The following FHIT variants were observed in gnomAD, a reference collection of about 807,000 sequenced individuals.
FHIT encodes the protein fragile histidine triad diadenosine triphosphatase.
Under a neutral mutation model 17.9 loss-of-function variants are expected in FHIT, and 19 were observed. The ratio of observed to expected loss-of-function variants is 1.06; its 90% CI spans 0.74 to 1.56. The LOEUF (loss-of-function observed/expected upper bound fraction) is 1.56. Among genes scored for constraint, FHIT ranks in the 40% most tolerant of loss-of-function variants. FHIT has a pLI of 0.00. For missense variants in FHIT, 248 were observed against 189.2 expected (o/e 1.31, Z -1.82); for synonymous variants, 81 against 69.7 (o/e 1.16, Z -0.81).
intron 5 of FHIT, among the ~76,000 whole-genome samples, chr3:60,335,500 T>C (rs1054114084): frequency 6.6e-6 from 1 of 152,172 alleles, no homozygotes; most frequent in African/African-American, 2.4e-5. Flanking sequence ...ATTCAAACAC[T>C]ATGATTCAAA....
chr3:59,772,103 T>A (rs1702100077), intron 8 of FHIT, among the ~76,000 whole-genome samples: 1 of 152,228 alleles, frequency 6.6e-6, no homozygotes. Context: ...TATCTCCATG[T>A]TAGCACACCC....
intron 5 of FHIT, among the ~76,000 whole-genome samples, chr3:60,358,835 C>A (rs980331918): frequency 6.6e-6 from 1 of 152,162 alleles, no homozygotes; most frequent in Non-Finnish European, 1.5e-5. Context: ...CTTCTCCTTT[C>A]TGACTGTCTT....
intron 1 of FHIT, among the ~76,000 whole-genome samples, chr3:61,212,474 C>T (rs1003713221): frequency 3.9e-5 from 6 of 152,322 alleles, no homozygotes; most frequent in South Asian, 2.1e-4. Context: ...AAGAAACAAA[C>T]AAAGCCTCCA....
chr3:60,491,675 C>G (rs774102502), intron 5 of FHIT, among the ~76,000 whole-genome samples: 3 of 152,122 alleles, frequency 2.0e-5, no homozygotes, highest in African/African-American at 4.8e-5. Flanking sequence ...TGCTTTCGTT[C>G]TGTATGATAT....
intron 5 of FHIT, among the ~76,000 whole-genome samples, chr3:60,282,400 T>C (rs569787221): frequency 2.0e-5 from 3 of 152,088 alleles, no homozygotes; most frequent in African/African-American, 7.2e-5. Flanking sequence ...AAGGGAAAAC[T>C]ATAGAGGCAA....
intron 4 of FHIT, among the ~76,000 whole-genome samples, chr3:60,769,287 A>G (rs1178614147): frequency 6.6e-6 from 1 of 152,088 alleles, no homozygotes; most frequent in Non-Finnish European, 1.5e-5. Context: ...ACTAGTGATT[A>G]ATTATAGTGC....
At chr3:60,610,154 G>A (rs1202737175) in intron 4 of FHIT, among the ~76,000 whole-genome samples, 1 of 152,052 alleles carries the variant, frequency 6.6e-6, no homozygotes, top group Non-Finnish European at 1.5e-5. Context: ...CTCCTAATTT[G>A]TTTGTATTAA....
At chr3:61,240,684 G>T (rs934137318) in intron 1 of FHIT, among the ~76,000 whole-genome samples, 3 of 152,200 alleles carry the variant, frequency 2.0e-5, no homozygotes, top group African/African-American at 7.2e-5. Context: ...TGATTATTAA[G>T]ATGGGAATTT....
In FHIT at chr3:61,143,080, T is replaced by C. The variant is rs142290136; in HGVS notation, c.-164+57537A>G. Among the ~76,000 whole-genome samples, 20 of 152,256 alleles carry C rather than the reference T, an allele frequency of 1.3e-4. No individual in the cohort carries two copies. In the East Asian group the frequency reaches 3.9e-3, roughly 29 times the overall value. On this transcript the variant is annotated intron_variant, in intron 2 of 9. Coordinates refer to ENST00000492590, the MANE Select transcript of FHIT (RefSeq NM_002012.4). ...TACCACAATATGACAAAATTAATAA[T>C]AGCCTTACAAATTGTGAAGATACAA...
intron 4 of FHIT, among the ~76,000 whole-genome samples, chr3:60,802,220 A>G (rs1553732521): frequency 6.6e-6 from 1 of 152,212 alleles, no homozygotes; most frequent in African/African-American, 2.4e-5. Context: ...TTAATGATTT[A>G]TGCTTTCATG....
At chr3:60,481,949 C>A (rs1268976519) in intron 5 of FHIT, among the ~76,000 whole-genome samples, 1 of 152,036 alleles carries the variant, frequency 6.6e-6, no homozygotes, top group Non-Finnish European at 1.5e-5. Context: ...CACAAAGACA[C>A]AAATAGACTC....
intron 4 of FHIT, among the ~76,000 whole-genome samples, chr3:60,578,177 A>C (rs182476770): frequency 1.3e-5 from 2 of 152,198 alleles, no homozygotes; most frequent in East Asian, 3.9e-4. Context: ...GGTGGCTCAC[A>C]CCTGTAATCC....
At chr3:60,876,268 A>G (rs1011240437) in intron 3 of FHIT, among the ~76,000 whole-genome samples, 4 of 152,176 alleles carry the variant, frequency 2.6e-5, no homozygotes, top group Non-Finnish European at 2.9e-5. Flanking sequence ...AGAATTTTGT[A>G]TCAAGTATTT....
chr3:60,080,143 T>C (rs1455849316), intron 5 of FHIT, among the ~76,000 whole-genome samples: 2 of 152,142 alleles, frequency 1.3e-5, no homozygotes, highest in Non-Finnish European at 2.9e-5. Context: ...AGAAAAATAA[T>C]GAAGGTCAAG....
intron 4 of FHIT, among the ~76,000 whole-genome samples, chr3:60,802,968 G>T (rs1404769743): frequency 6.6e-6 from 1 of 152,092 alleles, no homozygotes; most frequent in Admixed American, 6.6e-5. Flanking sequence ...CCAATACCAA[G>T]CAATCCTATT....
chr3:60,025,017 G>T (rs1402949743), intron 5 of FHIT, among the ~76,000 whole-genome samples: 1 of 152,156 alleles, frequency 6.6e-6, no homozygotes, highest in South Asian at 2.1e-4. Context: ...GTATGTTTGA[G>T]GTAGGAGCAA....
intron 4 of FHIT, among the ~76,000 whole-genome samples, chr3:60,600,742 C>T (rs1450868614): frequency 1.3e-5 from 2 of 152,042 alleles, no homozygotes; most frequent in African/African-American, 4.8e-5. Flanking sequence ...TGAGGCAAAC[C>T]CAGACAAATT....
intron 5 of FHIT, among the ~76,000 whole-genome samples, chr3:60,284,040 AT>A (rs2107653208): frequency 6.6e-6 from 1 of 152,106 alleles, no homozygotes; most frequent in East Asian, 1.9e-4. Context: ...GTATGAATTA[AT>A]AAAAAAAACT....
intron 3 of FHIT, among the ~76,000 whole-genome samples, chr3:60,937,407 G>A (rs1406553722): frequency 6.6e-6 from 1 of 152,116 alleles, no homozygotes; most frequent in African/African-American, 2.4e-5. Flanking sequence ...TCCAAATGAG[G>A]CAGAAATTAC....
Sources: gnomAD v4.1 joint callset for allele counts (sites outside exome capture counted in the v4.1 genomes callset) on GRCh38, gnomAD v4.1.1 for gene constraint, MANE v1.5 for transcripts, NCBI Gene and HGNC (gene_info 2026-07-23, HGNC 2026-07-21) for gene names.